FASTKD1: variants seen among roughly 807,000 people sequenced by gnomAD.
FASTKD1 encodes the protein FAST kinase domain-containing protein 1, mitochondrial.
In FASTKD1, 94 loss-of-function variants were observed where a neutral mutation model predicts 90.9. That is an observed-to-expected ratio of 1.03 (90% CI 0.88 to 1.23). FASTKD1 has a LOEUF of 1.23. FASTKD1 is among the 50% of genes most tolerant of loss of function. FASTKD1 has a pLI of 0.00. For synonymous variants in FASTKD1, 319 were observed against 345.8 expected (o/e 0.92, Z 0.86); for missense variants, 945 against 993.5 (o/e 0.95, Z 0.66).
chr2:169,565,132 T>C (rs1298947547), intron 3 of FASTKD1, among the ~76,000 whole-genome samples: 1 of 151,428 alleles, frequency 6.6e-6, no homozygotes, highest in Non-Finnish European at 1.5e-5. Context: ...TTTTGTATTT[T>C]TAGTAGAGAC....
rs77679209 is a variant in FASTKD1, at chr2:169,540,211, T to C, written c.1817-32A>G. The C allele has an allele frequency of 4.6e-3, 6,924 of 1,501,706 alleles. 325 individuals carry two copies. The African/African-American group carries it at 0.088, about 19-fold the overall frequency. 93.0% of individuals were successfully genotyped at this position (1,501,706 alleles called of 1,614,324 possible). On this transcript the variant is annotated intron_variant, in intron 9 of 14. Coordinates refer to ENST00000453153, the MANE Select transcript of FASTKD1 (RefSeq NM_024622.6). ...GAAAATTAAGATTTTTTTAAAGGTA[T>C]AGCTGCCTCACTTATATATACACTT... is the stretch of plus-strand genomic sequence containing the variant.
chr2:169,546,672 A>G lies in FASTKD1; in HGVS notation c.1247T>C (p.Val416Ala), dbSNP rs1559145591. 6.2e-7 allele frequency: 1 copy of G among 1,606,778 alleles called. No individual in the cohort carries two copies. The highest frequency in any genetic ancestry group is 8.5e-7 in the Non-Finnish European group (1 of 1,177,200). ...YLKNSFIPTE[V>A]SVLVRAISLL... The stretch of plus-strand genomic sequence containing the variant: ...GGAAATAGCACGGACCAGAACAGAC[A>G]CCTCAGTTGGTATGAAACTATTTTT... Residue 416 changes from valine (V) to alanine (A), a missense_variant, in exon 8 of 15, where the codon GTG becomes GCG. Transcript: ENST00000453153.
chr2:169,530,927 C>T (rs763501539), intron 13 of FASTKD1: 1 of 693,382 alleles, frequency 1.4e-6, no homozygotes, highest in South Asian at 1.4e-5. Context: ...TTTTTTTGGT[C>T]CAATATATAT....
chr2:169,549,166 G>A (rs1685371124), intron 7 of FASTKD1, among the ~76,000 whole-genome samples: 1 of 152,030 alleles, frequency 6.6e-6, no homozygotes, highest in Admixed American at 6.6e-5. Flanking sequence ...AGGCCGAGGT[G>A]GGCGGATTAC....
chr2:169,552,605 G>A (rs1685537491), intron 7 of FASTKD1, among the ~76,000 whole-genome samples: 1 of 152,048 alleles, frequency 6.6e-6, no homozygotes, highest in South Asian at 2.1e-4. Flanking sequence ...AACTTGGGTG[G>A]AGCTGAAGGC....
chr2:169,537,063 G>T, intron 12 of FASTKD1, 164 bp downstream of exon 12: 1 of 382,420 alleles, frequency 2.6e-6, no homozygotes, highest in Non-Finnish European at 4.8e-6. Context: ...ACGGGAACTT[G>T]AGGATTTATT....
At chr2:169,538,187 G>A (rs1486717437) in intron 10 of FASTKD1, 46 bp from the exon 11 acceptor site, 1 of 1,524,310 alleles carries the variant, frequency 6.6e-7, no homozygotes, top group South Asian at 1.3e-5. Flanking sequence ...TGAGACCTAG[G>A]AAAGACAACC....
At chr2:169,540,322 ATGGTTAAG>A (rs1373926308) in intron 9 of FASTKD1, 143 bp from the exon 10 acceptor site, 19 of 848,298 alleles carry the variant, frequency 2.2e-5, no homozygotes, top group Non-Finnish European at 3.1e-5. Flanking sequence ...AGACAGGATA[ATGGTTAAG>A]TGGTTACCTT....
chr2:169,548,429 A>AG (rs1197582357), intron 7 of FASTKD1, among the ~76,000 whole-genome samples: 1 of 151,432 alleles, frequency 6.6e-6, no homozygotes, highest in African/African-American at 2.4e-5. Context: ...TTAAAAAAAA[A>AG]AAAAAAAATT....
At chr2:169,572,734 G>A (rs1243925861) in intron 1 of FASTKD1, among the ~76,000 whole-genome samples, 1 of 151,646 alleles carries the variant, frequency 6.6e-6, no homozygotes, top group Non-Finnish European at 1.5e-5. Flanking sequence ...ACCAATGAAC[G>A]ACACAATTAA....
intron 11 of FASTKD1, among the ~76,000 whole-genome samples, 169 bp from the exon 12 acceptor site, chr2:169,537,509 C>T (rs1684778295): frequency 6.6e-6 from 1 of 152,086 alleles, no homozygotes; most frequent in Admixed American, 6.5e-5. Flanking sequence ...CTCAGCCTCC[C>T]AAGTAGCTGG....
At position 169,565,408 on chromosome 2, in the gene FASTKD1, G is replaced by A. The variant is rs553087591; in HGVS notation, c.447-2058C>T. Among the ~76,000 whole-genome samples, 15 of 151,544 alleles carry A rather than the reference G, an allele frequency of 9.9e-5. No individual in the cohort carries two copies. The East Asian group carries it at 1.2e-3, about 12-fold the overall frequency. ...CTCAGGAGTAGCTGGGACTATAGGC[G>A]CCCGCCACCACGCCCGGCTAACTTT... On this transcript the variant is annotated intron_variant, in intron 3 of 14. Transcript: ENST00000453153.
At chr2:169,537,065 G>C (rs1231421069) in intron 12 of FASTKD1, 162 bp downstream of exon 12, 1 of 446,766 alleles carries the variant, frequency 2.2e-6, no homozygotes, top group East Asian at 4.3e-5. Flanking sequence ...GGGAACTTGA[G>C]GATTTATTCT....
At chr2:169,537,045 A>G (rs1684750726) in intron 12 of FASTKD1, 182 bp downstream of exon 12, 1 of 468,224 alleles carries the variant, frequency 2.1e-6, no homozygotes, top group African/African-American at 2.1e-5. Context: ...GGTTATCAAC[A>G]CTGGGCCACG....
chr2:169,558,960 C>G (rs1683456765), intron 5 of FASTKD1, among the ~76,000 whole-genome samples: 1 of 150,560 alleles, frequency 6.6e-6, no homozygotes, highest in Non-Finnish European at 1.5e-5. Context: ...TAAATTTTTT[C>G]ATATAATTCA....
At chr2:169,535,963 C>G (rs1365168381) in intron 12 of FASTKD1, among the ~76,000 whole-genome samples, 6 of 146,468 alleles carry the variant, frequency 4.1e-5, no homozygotes, top group Admixed American at 3.4e-4. Flanking sequence ...GACTAAACAT[C>G]CTTTTTTTTT....
Position 169,544,805 on chromosome 2 carries a change from GAAT to G in FASTKD1, c.1729_1731del (p.Ile577del). The G allele has an allele frequency of 1.2e-6, 2 of 1,610,738 alleles. No individual in the cohort carries two copies. Among genetic ancestry groups the G allele is most frequent in the Non-Finnish European group, 8.5e-7 (1 of 1,177,344 alleles). ...TCATAGTTCAATACGCTGAATGGAC[GAAT>G]AATAGCAGGGATTGTAAAAGGATGG... On this transcript the variant is annotated inframe_deletion, in exon 9 of 15. Transcript: ENST00000453153.
rs553731936 is a variant in FASTKD1 at position 169,557,305 on chromosome 2, CA to C, written c.972-9del. The C allele has an allele frequency of 0.14, 144,488 of 1,020,324 alleles. 263 individuals are homozygous for C. The highest frequency in any genetic ancestry group is 0.21 in the South Asian group (10,193 of 48,436). 63.2% of individuals were successfully genotyped at this position (1,020,324 alleles called of 1,614,324 possible). A position where few individuals can be genotyped will look rare whatever the true frequency, so the allele number is the denominator to read the frequency against. On this transcript the variant is annotated splice_polypyrimidine_tract_variant and intron_variant, in intron 5 of 14. Transcript: ENST00000453153. ...AACATAGTTGATTTAAGTCTAGAAG[CA>C]AAAAAAAAAAAGTTTTTGGTTGAAA...
At chr2:169,548,744 A>AC (rs1229766719) in intron 7 of FASTKD1, among the ~76,000 whole-genome samples, 1 of 150,266 alleles carries the variant, frequency 6.7e-6, no homozygotes, top group East Asian at 2.0e-4. Flanking sequence ...AAAAAAAAAA[A>AC]AAAAAAAAAA....
Sources: allele counts gnomAD v4.1 joint callset (sites outside exome capture counted in the v4.1 genomes callset), GRCh38; gene constraint gnomAD v4.1.1; transcripts MANE v1.5; gene names NCBI Gene and HGNC (gene_info 2026-07-23, HGNC 2026-07-21).